Variants in AGAP1 observed in about 807,000 individuals in gnomAD.
AGAP1 encodes arf-GAP with GTPase, ANK repeat and PH domain-containing protein 1.
Under a neutral mutation model 105.3 loss-of-function variants are expected in AGAP1, and 29 were observed. That is an observed-to-expected ratio of 0.28 (90% CI 0.21 to 0.38). The LOEUF (loss-of-function observed/expected upper bound fraction) is 0.38, where lower values mean the gene tolerates loss of function less well. Ranked by LOEUF, AGAP1 falls within the 10% of genes least tolerant of loss-of-function variation. AGAP1 has a pLI of 1.00. For missense variants in AGAP1, 998 were observed against 1,165.1 expected (o/e 0.86, Z 2.09); for synonymous variants, 509 against 485.9 (o/e 1.05, Z -0.63).
intron 11 of AGAP1, among the ~76,000 whole-genome samples, chr2:235,912,556 C>T (rs537929988): frequency 3.7e-4 from 57 of 152,208 alleles, no homozygotes; most frequent in African/African-American, 1.3e-3. Flanking sequence ...CATTTTATGC[C>T]TTCTCTTCCC....
intron 9 of AGAP1, among the ~76,000 whole-genome samples, chr2:235,821,276 T>C (rs1394959023): frequency 6.6e-6 from 1 of 152,154 alleles, no homozygotes; most frequent in South Asian, 2.1e-4. Context: ...AACATAAAAC[T>C]GTGTATAATA....
chr2:235,789,852 G>A lies in AGAP1; in HGVS notation c.674-7907G>A, dbSNP rs891490517. ...GCTTTCAGTGACAAGGAACCAAAAA[G>A]CAAATGCATAGAAGAGCATTTCCTA... On this transcript the variant is annotated intron_variant, in intron 6 of 17. Transcript: ENST00000304032. The surrounding 1 kb of genome is among the most constrained non-coding windows in gnomAD (Gnocchi z 4.2). 1.3e-5 allele frequency among the ~76,000 whole-genome samples: 2 copies of A among 152,112 alleles called. No individual in the cohort carries two copies. Among genetic ancestry groups the A allele is most frequent in the African/African-American group, 2.4e-5 (1 of 41,402 alleles).
At position 236,123,779 on chromosome 2, in the gene AGAP1, G is replaced by A; in HGVS notation, c.2371-140G>A. ...CAGGCTGTGCCACCAGCACTGGATG[G>A]TCCTGGCACCCCAGCCAGTTGTGTA... On this transcript the variant is annotated intron_variant, in intron 17 of 17. Transcript: ENST00000304032. This position sits in a 1 kb window ranked among gnomAD's most constrained non-coding sequence, Gnocchi z 4.6. 9.5e-7 allele frequency: 1 copy of A among 1,049,934 alleles called. No homozygotes were observed. Among genetic ancestry groups the A allele is most frequent in the Non-Finnish European group, 1.4e-6 (1 of 711,824 alleles). The allele number at this position is 1,049,934 out of a possible 1,614,324, so 65.0% of individuals were successfully genotyped here.
rs2054092313 is a variant in AGAP1 at position 235,959,494 on chromosome 2, A to G, written c.1484-8968A>G. On this transcript the variant is annotated intron_variant, in intron 12 of 17. Transcript: ENST00000304032. This position sits in a 1 kb window ranked among gnomAD's most constrained non-coding sequence, Gnocchi z 7.3. ...ATTCCCGTGGCCGAGCTCAGCGCCC[A>G]GTGGACGGGAACCCGGTCCTTCTTG... Among the ~76,000 whole-genome samples the G allele has an allele frequency of 6.6e-6, 1 of 152,138 alleles. No homozygotes were observed. Among genetic ancestry groups the G allele is most frequent in the African/African-American group, 2.4e-5 (1 of 41,434 alleles).
intron 16 of AGAP1, among the ~76,000 whole-genome samples, chr2:236,057,962 G>A (rs2058093921): frequency 6.6e-6 from 1 of 152,168 alleles, no homozygotes; most frequent in African/African-American, 2.4e-5. Context: ...CGGGGGTTGT[G>A]GAGGGCCTGC....
At chr2:235,909,636 T>G (rs971120648) in intron 11 of AGAP1, among the ~76,000 whole-genome samples, 1 of 152,210 alleles carries the variant, frequency 6.6e-6, no homozygotes, top group Non-Finnish European at 1.5e-5. Flanking sequence ...GTCAGGCTCC[T>G]TCAACATGGG....
In AGAP1 at chr2:235,982,831, A is replaced by C. The variant is rs2055153906; in HGVS notation, c.1645+14208A>C. ...ATGTTACTGTCATCAGTGACTTGTT[A>C]CCTTCTGTTTCTGATTGCCAGCTCA... On this transcript the variant is annotated intron_variant, in intron 13 of 17. Transcript: ENST00000304032. This position sits in a 1 kb window ranked among gnomAD's most constrained non-coding sequence, Gnocchi z 4.9. Among the ~76,000 whole-genome samples the C allele has an allele frequency of 6.6e-6, 1 of 152,162 alleles. No homozygotes were observed. Among genetic ancestry groups the C allele is most frequent in the Non-Finnish European group, 1.5e-5 (1 of 68,034 alleles).
rs1035113599 is a variant in AGAP1, at chr2:235,977,893, G to A, written c.1645+9270G>A. Among the ~76,000 whole-genome samples the A allele has an allele frequency of 6.6e-6, 1 of 152,184 alleles. No homozygotes were observed. Among genetic ancestry groups the A allele is most frequent in the African/African-American group, 2.4e-5 (1 of 41,452 alleles). On this transcript the variant is annotated intron_variant, in intron 13 of 17. Transcript: ENST00000304032. This position sits in a 1 kb window ranked among gnomAD's most constrained non-coding sequence, Gnocchi z 5.2. ...ATGCCACAGACTGGGGGCTTAACCA[G>A]CAGAAACTCATTTATCATGGTTCTG...
chr2:235,638,267 CG>C (rs1947076031), intron 1 of AGAP1, among the ~76,000 whole-genome samples: 1 of 152,090 alleles, frequency 6.6e-6, no homozygotes, highest in Non-Finnish European at 1.5e-5. Flanking sequence ...GTAGGAGGTT[CG>C]ATCAGATTAC....
chr2:235,809,917 C>A (rs1462032317), intron 9 of AGAP1, among the ~76,000 whole-genome samples: 2 of 152,164 alleles, frequency 1.3e-5, no homozygotes, highest in Admixed American at 1.3e-4. Context: ...CCCACTTAAT[C>A]CTCGACATTG....
chr2:235,509,114 G>A (rs1941959017), intron 1 of AGAP1, among the ~76,000 whole-genome samples: 1 of 152,216 alleles, frequency 6.6e-6, no homozygotes. Flanking sequence ...CATGTGATGT[G>A]AACGATTACT....
At chr2:236,086,570 G>A (rs3768933) in intron 16 of AGAP1, among the ~76,000 whole-genome samples, 15,847 of 152,134 alleles carry the variant, frequency 0.1, 1,316 homozygotes, top group African/African-American at 0.22. Flanking sequence ...TAAATAGCTG[G>A]AAGTCTCATC....
Position 235,686,665 on chromosome 2 carries a change from A to ATTTT in AGAP1, c.164-22502_164-22499dup, listed in dbSNP as rs1200927776. Reference sequence around the variant, plus strand: ...TATATAGATATATATATATATATATATTTTTTTTTTTTTTTAGACAGAGTC... The same window carrying ATTTT: ...TATATAGATATATATATATATATATATTTTTTTTTTTTTTTTTTTAGACAGAGTC... On this transcript the variant is annotated intron_variant, in intron 1 of 17. Coordinates refer to ENST00000304032, the MANE Select transcript of AGAP1 (RefSeq NM_001037131.3). Among the ~76,000 whole-genome samples, 195 of 77,468 alleles carry ATTTT rather than the reference A, an allele frequency of 2.5e-3. 10 individuals carry two copies. Among genetic ancestry groups the ATTTT allele is most frequent in the African/African-American group, 0.012 (180 of 15,488 alleles). The allele number at this position is 77,468 out of a possible 152,430, so 50.8% of individuals were successfully genotyped here. A position where few individuals can be genotyped will look rare whatever the true frequency, so the allele number is the denominator to read the frequency against.
At chr2:236,037,351 A>G (rs1299046063) in intron 14 of AGAP1, 1 of 152,050 alleles carries the variant, frequency 6.6e-6, no homozygotes, top group Non-Finnish European at 1.5e-5. Context: ...ATGAGAGGCA[A>G]TTTGTTTTTT....
chr2:235,746,378 T>C (rs12692178), intron 5 of AGAP1, among the ~76,000 whole-genome samples: 25 of 15,950 alleles, frequency 1.6e-3, no homozygotes, highest in African/African-American at 4.4e-3. Context: ...CTCCCCCAAC[T>C]TTTTTTTTTT....
At chr2:235,926,507 CTG>C (rs947561537) in intron 11 of AGAP1, among the ~76,000 whole-genome samples, 1 of 152,214 alleles carries the variant, frequency 6.6e-6, no homozygotes, top group African/African-American at 2.4e-5. Context: ...AAGGCAGGTA[CTG>C]TGTTTGGATC....
At chr2:235,767,777 C>CTTTTTTTTT (rs71414307) in intron 6 of AGAP1, among the ~76,000 whole-genome samples, 8 of 62,038 alleles carry the variant, frequency 1.3e-4, no homozygotes, top group African/African-American at 2.5e-4. Flanking sequence ...AGTTTCTTGT[C>CTTTTTTTTT]TTTTTTTTTT....
At chr2:235,924,138 C>T (rs2052330050) in intron 11 of AGAP1, among the ~76,000 whole-genome samples, 1 of 152,030 alleles carries the variant, frequency 6.6e-6, no homozygotes, top group African/African-American at 2.4e-5. Context: ...TGTCAACATC[C>T]CTTGCAAGAT....
In AGAP1 at chr2:235,934,001, A is replaced by G. The variant is rs2125170605; in HGVS notation, c.1483+3078A>G. Among the ~76,000 whole-genome samples the G allele has an allele frequency of 6.6e-6, 1 of 152,306 alleles. No homozygotes were observed. The highest frequency in any genetic ancestry group is 2.1e-4 in the South Asian group (1 of 4,826). On this transcript the variant is annotated intron_variant, in intron 12 of 17. Transcript: ENST00000304032. The surrounding 1 kb of genome is among the most constrained non-coding windows in gnomAD (Gnocchi z 4.9). Reference sequence around the variant, plus strand: ...TCTACAGGGGCTGCCTTTGGTACAGAAGGATTAAATGTCACTTGCTCAAAG... The same window carrying G: ...TCTACAGGGGCTGCCTTTGGTACAGGAGGATTAAATGTCACTTGCTCAAAG...
Sources: allele counts gnomAD v4.1 joint callset (sites outside exome capture counted in the v4.1 genomes callset), GRCh38; gene constraint gnomAD v4.1.1; non-coding constraint Gnocchi (gnomAD v3.1); transcripts MANE v1.5; gene names NCBI Gene and HGNC (gene_info 2026-07-23, HGNC 2026-07-21).